The following UPF2 variants were observed in gnomAD, a reference collection of about 807,000 sequenced individuals.
The protein encoded by UPF2 is regulator of nonsense transcripts 2.
Under a neutral mutation model 141.4 loss-of-function variants are expected in UPF2, and 17 were observed. The observed-to-expected ratio is 0.12, with a 90% CI of 0.08 to 0.18. The LOEUF (loss-of-function observed/expected upper bound fraction) is 0.18. Ranked by LOEUF, UPF2 falls within the 10% of genes least tolerant of loss-of-function variation. The pLI is 1.00. For synonymous variants in UPF2, 540 were observed against 498.0 expected, an observed-to-expected ratio of 1.08 and a Z score of -1.12; for missense variants, 1,152 against 1,515.9, an observed-to-expected ratio of 0.76 and a Z score of 3.99.
chr10:11,991,860 TTC>T (rs1833786074), intron 8 of UPF2, among the ~76,000 whole-genome samples: 1 of 152,142 alleles, frequency 6.6e-6, no homozygotes, highest in Admixed American at 6.6e-5. Context: ...GAAAATGAAC[TTC>T]AGGCCAGGCG....
chr10:12,018,567 C>CA (rs1834264719), intron 3 of UPF2, among the ~76,000 whole-genome samples: 1 of 151,526 alleles, frequency 6.6e-6, no homozygotes, highest in Non-Finnish European at 1.5e-5. Flanking sequence ...GGGGACAGAG[C>CA]AAGACTCCAT....
intron 7 of UPF2, 152 bp downstream of exon 7, chr10:11,999,754 T>C: frequency 1.5e-6 from 1 of 650,926 alleles, no homozygotes; most frequent in Non-Finnish European, 2.7e-6. Context: ...ACATCCAATT[T>C]TGTCTGCTTA....
chr10:11,935,471 A>G lies in UPF2; in HGVS notation c.3546+1074T>C, dbSNP rs978173140. Among the ~76,000 whole-genome samples the G allele has an allele frequency of 3.9e-5, 6 of 152,230 alleles. No homozygotes were observed. The highest frequency in any genetic ancestry group is 8.8e-5 in the Non-Finnish European group (6 of 68,044). On this transcript the variant is annotated intron_variant, in intron 19 of 21. Coordinates refer to ENST00000357604, the MANE Select transcript of UPF2 (RefSeq NM_015542.4). The surrounding 1 kb of genome is among the most constrained non-coding windows in gnomAD (Gnocchi z 4.9). ...AAAATCTAACATTCTATTAATTCTA[A>G]GATACACCATTATTTTACTTATCAC...
chr10:12,000,061 T>C, intron 6 of UPF2, 52 bp from the exon 7 acceptor site: 1 of 1,420,960 alleles, frequency 7.0e-7, no homozygotes, highest in Non-Finnish European at 9.7e-7. Context: ...GAACACAGAA[T>C]AAAAACATCC....
chr10:11,921,373 G>T lies in UPF2; in HGVS notation c.3810-66C>A. 3 of 1,600,170 alleles carry T rather than the reference G, an allele frequency of 1.9e-6. No individual in the cohort carries two copies. The highest frequency in any genetic ancestry group is 1.7e-6 in the Non-Finnish European group (2 of 1,168,380). On this transcript the variant is annotated intron_variant, in intron 21 of 21. Coordinates refer to ENST00000357604, the MANE Select transcript of UPF2 (RefSeq NM_015542.4). The surrounding 1 kb of genome is among the most constrained non-coding windows in gnomAD (Gnocchi z 5.9). Reference sequence around the variant, plus strand: ...ACAGGACAAAGTCCAGCAAGATGGCGTCTGCAACGCTACCCACCACCACCA... The same window carrying T: ...ACAGGACAAAGTCCAGCAAGATGGCTTCTGCAACGCTACCCACCACCACCA...
intron 15 of UPF2, among the ~76,000 whole-genome samples, chr10:11,948,871 T>C (rs901615880): frequency 2.6e-5 from 4 of 152,098 alleles, no homozygotes; most frequent in African/African-American, 9.7e-5. Context: ...AGATACAGCG[T>C]TGGCCACACT....
At chr10:12,035,664 T>G (rs185755455) in intron 1 of UPF2, 25 of 438,632 alleles carry the variant, frequency 5.7e-5, no homozygotes, top group Admixed American at 4.7e-4. Flanking sequence ...GTTTTTTACT[T>G]TTTATAAGGA....
At chr10:11,985,167 T>C (rs1028975260) in intron 8 of UPF2, among the ~76,000 whole-genome samples, 3 of 152,226 alleles carry the variant, frequency 2.0e-5, no homozygotes, top group South Asian at 2.1e-4. Context: ...TAAAGTTAGA[T>C]ACTCCATTTT....
intron 6 of UPF2, among the ~76,000 whole-genome samples, chr10:12,000,559 C>A (rs1833935526): frequency 6.6e-6 from 1 of 152,032 alleles, no homozygotes. Flanking sequence ...GCAGGGGGAT[C>A]ACTTGAGGCC....
intron 21 of UPF2, among the ~76,000 whole-genome samples, chr10:11,924,043 G>A (rs1832680570): frequency 6.6e-6 from 1 of 152,166 alleles, no homozygotes; most frequent in Admixed American, 6.5e-5. Flanking sequence ...TGCCAAAAAT[G>A]TTAAGTTTCA....
At chr10:12,038,324 G>A (rs567963833) in intron 1 of UPF2, among the ~76,000 whole-genome samples, 2 of 151,400 alleles carry the variant, frequency 1.3e-5, no homozygotes, top group South Asian at 2.1e-4. Flanking sequence ...AGGTTGCAGT[G>A]AGCCAAGATC....
chr10:11,994,237 A>G (rs1833828863), intron 8 of UPF2, among the ~76,000 whole-genome samples: 1 of 152,188 alleles, frequency 6.6e-6, no homozygotes, highest in African/African-American at 2.4e-5. Context: ...AAGAGGAAGT[A>G]CAAATTCAAA....
chr10:11,974,985 C>T (rs770301054), intron 9 of UPF2, among the ~76,000 whole-genome samples: 6 of 151,976 alleles, frequency 3.9e-5, no homozygotes, highest in African/African-American at 9.7e-5. Context: ...AATAAATATA[C>T]CTATAATGGG....
intron 9 of UPF2, among the ~76,000 whole-genome samples, chr10:11,972,447 T>C (rs540567347): frequency 2.6e-5 from 4 of 152,308 alleles, no homozygotes; most frequent in South Asian, 2.1e-4. Flanking sequence ...GTCTGTTACA[T>C]AGGTATACAT....
chr10:11,990,985 A>G (rs534325458), intron 8 of UPF2, among the ~76,000 whole-genome samples: 18 of 135,894 alleles, frequency 1.3e-4, no homozygotes, highest in Non-Finnish European at 2.3e-4. Context: ...GCAAGACTCC[A>G]TCTCAAAAAA....
chr10:11,987,871 A>G (rs2131244094), intron 8 of UPF2, among the ~76,000 whole-genome samples: 1 of 152,060 alleles, frequency 6.6e-6, no homozygotes, highest in African/African-American at 2.4e-5. Flanking sequence ...ACTGAAAGTT[A>G]AAACACTGCT....
At chr10:12,015,496 G>A (rs1204668357) in intron 3 of UPF2, among the ~76,000 whole-genome samples, 4 of 152,190 alleles carry the variant, frequency 2.6e-5, no homozygotes, top group African/African-American at 9.7e-5. Flanking sequence ...GAGGTCAGGA[G>A]TTTGAGACCA....
chr10:11,970,751 G>T (rs1833402876), intron 9 of UPF2, among the ~76,000 whole-genome samples: 1 of 152,164 alleles, frequency 6.6e-6, no homozygotes, highest in African/African-American at 2.4e-5. Flanking sequence ...CGGGGAGGTT[G>T]CAGCAAGCTG....
At chr10:11,986,406 A>G (rs563949228) in intron 8 of UPF2, among the ~76,000 whole-genome samples, 1 of 152,086 alleles carries the variant, frequency 6.6e-6, no homozygotes, top group Non-Finnish European at 1.5e-5. Flanking sequence ...GCAAGCAGAA[A>G]CAAGAGCAGA....
Sources: gnomAD v4.1 joint callset for allele counts (sites outside exome capture counted in the v4.1 genomes callset) on GRCh38, gnomAD v4.1.1 for gene constraint, Gnocchi (gnomAD v3.1) non-coding constraint, MANE v1.5 for transcripts, NCBI Gene and HGNC (gene_info 2026-07-23, HGNC 2026-07-21) for gene names.